The following LINC00237 variants were observed in gnomAD, a reference collection of about 807,000 sequenced individuals.
The protein encoded by LINC00237 is long independently transcribed non-coding RNA 237.
In LINC00237 at chr20:21,091,046, CGT is replaced by C. The variant is rs1028541014; in HGVS notation, n.472+2421_472+2422del. Among the ~76,000 whole-genome samples, 56 of 150,244 alleles carry C rather than the reference CGT, an allele frequency of 3.7e-4. No individual in the cohort carries two copies. The South Asian group carries it at 6.7e-3, about 18-fold the overall frequency. ...ATTAGCCTGTCAGTGTGTAAATGTG[CGT>C]GTGTGTGTGTGCGTGTGTGTGTGTG... On this transcript the variant is annotated intron_variant and non_coding_transcript_variant, in intron 2 of 3. Coordinates refer to ENST00000691244, the Ensembl canonical transcript of LINC00237.
At chr20:21,087,302 CT>C (rs2030726218) in intron 3 of LINC00237, among the ~76,000 whole-genome samples, 1 of 152,062 alleles carries the variant, frequency 6.6e-6, no homozygotes, top group African/African-American at 2.4e-5. Flanking sequence ...GATCTCCCTT[CT>C]TCTAATCTGC....
chr20:21,089,476 T>A (rs2122168109), intron 2 of LINC00237, among the ~76,000 whole-genome samples: 1 of 152,222 alleles, frequency 6.6e-6, no homozygotes, highest in East Asian at 1.9e-4. Flanking sequence ...TGGTTATTCA[T>A]GAATCACCCC....
chr20:21,104,870 T>C (rs2030977889), intron 1 of LINC00237, among the ~76,000 whole-genome samples: 1 of 152,168 alleles, frequency 6.6e-6, no homozygotes. Flanking sequence ...CACACACTCA[T>C]ATATTTTTTC....
intron 1 of LINC00237, among the ~76,000 whole-genome samples, chr20:21,105,157 C>T (rs2030982666): frequency 6.6e-6 from 1 of 152,306 alleles, no homozygotes; most frequent in African/African-American, 2.4e-5. Flanking sequence ...CACCGGGTCC[C>T]CTTTCGAATG....
chr20:21,100,575 C>G (rs1259030441), intron 1 of LINC00237, among the ~76,000 whole-genome samples: 1 of 152,200 alleles, frequency 6.6e-6, no homozygotes. Flanking sequence ...CTTTTACAAC[C>G]GCTAACCCCA....
chr20:21,087,196 G>A (rs2030724409), intron 3 of LINC00237, among the ~76,000 whole-genome samples: 1 of 151,608 alleles, frequency 6.6e-6, no homozygotes, highest in Non-Finnish European at 1.5e-5. Flanking sequence ...TTAAAAATTT[G>A]ACATCATTCT....
At chr20:21,098,731 A>C (rs1182349393) in intron 1 of LINC00237, among the ~76,000 whole-genome samples, 1 of 152,354 alleles carries the variant, frequency 6.6e-6, no homozygotes, top group Middle Eastern at 3.4e-3. Flanking sequence ...AGGTGTATAC[A>C]TCAAACATGT....
chr20:21,099,193 G>A (rs992995315), intron 1 of LINC00237, among the ~76,000 whole-genome samples: 2 of 152,220 alleles, frequency 1.3e-5, no homozygotes, highest in African/African-American at 4.8e-5. Flanking sequence ...CGAGTGCACT[G>A]GCTGAAGGTG....
At chr20:21,095,143 A>G (rs1353074069) in intron 1 of LINC00237, among the ~76,000 whole-genome samples, 2 of 152,218 alleles carry the variant, frequency 1.3e-5, no homozygotes, top group Admixed American at 6.5e-5. Flanking sequence ...GACCAGTAGA[A>G]TGAGATGGGA....
At chr20:21,095,811 C>G (rs1211276409) in intron 1 of LINC00237, among the ~76,000 whole-genome samples, 4 of 152,180 alleles carry the variant, frequency 2.6e-5, no homozygotes, top group Non-Finnish European at 4.4e-5. Flanking sequence ...TGCCTGGGAA[C>G]TTTTTCTTGG....
intron 1 of LINC00237, among the ~76,000 whole-genome samples, chr20:21,103,851 G>C (rs374942607): frequency 6.6e-5 from 10 of 152,212 alleles, no homozygotes; most frequent in African/African-American, 2.4e-4. Flanking sequence ...CATTAGACTT[G>C]AGTGATCTTG....
chr20:21,105,776 T>C (rs2030991195), intron 1 of LINC00237, among the ~76,000 whole-genome samples: 1 of 152,056 alleles, frequency 6.6e-6, no homozygotes. Context: ...TCTCTCTGCC[T>C]CCCCGCAGCT....
intron 1 of LINC00237, among the ~76,000 whole-genome samples, chr20:21,105,511 C>T (rs1414188449): frequency 6.6e-6 from 1 of 152,180 alleles, no homozygotes; most frequent in Admixed American, 6.5e-5. Context: ...CCTACCTGGG[C>T]CGGGGCAGGA....
intron 1 of LINC00237, among the ~76,000 whole-genome samples, chr20:21,104,302 T>C (rs1406667248): frequency 6.6e-6 from 1 of 152,218 alleles, no homozygotes; most frequent in Non-Finnish European, 1.5e-5. Context: ...ATGATTTTCA[T>C]AACAAGGACA....
At chr20:21,090,664 T>G (rs934277386) in intron 2 of LINC00237, among the ~76,000 whole-genome samples, 1 of 152,038 alleles carries the variant, frequency 6.6e-6, no homozygotes, top group African/African-American at 2.4e-5. Flanking sequence ...TGCTGCAAAA[T>G]GAGAAAAGTC....
At chr20:21,091,726 C>T (rs899783171) in intron 2 of LINC00237, among the ~76,000 whole-genome samples, 7 of 152,130 alleles carry the variant, frequency 4.6e-5, no homozygotes, top group Admixed American at 2.0e-4. Context: ...ATGAGTTTTC[C>T]GCAGCAGGAT....
intron 3 of LINC00237, among the ~76,000 whole-genome samples, chr20:21,086,251 G>C (rs1220435294): frequency 6.6e-6 from 1 of 152,036 alleles, no homozygotes; most frequent in Non-Finnish European, 1.5e-5. Context: ...TTGTTCACAA[G>C]ACTTGCAGAA....
In LINC00237 at chr20:21,088,513, T is replaced by C. The variant is rs1262948307; in HGVS notation, n.473-483A>G. ...CTCCAGCTATTCTTTCTCAGGACAA[T>C]TGGAGTTGCAAGTCTTGGAAGTAGG... On this transcript the variant is annotated intron_variant and non_coding_transcript_variant, in intron 2 of 3. Coordinates refer to ENST00000691244, the Ensembl canonical transcript of LINC00237. Among the ~76,000 whole-genome samples the C allele has an allele frequency of 2.0e-5, 3 of 152,170 alleles. No individual in the cohort carries two copies. In the East Asian group the frequency reaches 5.8e-4, roughly 29 times the overall value.
chr20:21,086,653 ATATG>A (rs1380422567), intron 3 of LINC00237, among the ~76,000 whole-genome samples: 25 of 107,502 alleles, frequency 2.3e-4, no homozygotes, highest in East Asian at 7.5e-4. Context: ...AGTATACTAT[ATATG>A]TATAGTATAC....
Sources: gnomAD v4.1 joint callset for allele counts (sites outside exome capture counted in the v4.1 genomes callset) on GRCh38, gnomAD v4.1.1 for gene constraint, MANE v1.5 for transcripts, NCBI Gene and HGNC (gene_info 2026-07-23, HGNC 2026-07-21) for gene names.